Variants in RHOT1 observed in about 807,000 individuals in gnomAD.
The protein encoded by RHOT1 is ras homolog family member T1, also known as mitochondrial Rho GTPase 1.
Under a neutral mutation model 95.3 loss-of-function variants are expected in RHOT1, and 27 were observed. The observed-to-expected ratio is 0.28, with a 90% confidence interval of 0.21 to 0.39. RHOT1 has a LOEUF of 0.39. Among genes scored for constraint, RHOT1 ranks in the 10% least tolerant of loss-of-function variants. The probability of loss-of-function intolerance (pLI) is 1.00; values close to 1 mark genes in which losing one functional copy is unlikely to be tolerated. For missense variants in RHOT1, 578 were observed against 786.7 expected, an observed-to-expected ratio of 0.73 and a Z score of 3.17; for synonymous variants, 227 against 263.5, an observed-to-expected ratio of 0.86 and a Z score of 1.34.
intron 1 of RHOT1, 118 bp downstream of exon 1, chr17:32,142,847 C>A: frequency 1.1e-6 from 1 of 888,780 alleles, no homozygotes; most frequent in Non-Finnish European, 1.8e-6. Context: ...TCTCGCGCCT[C>A]ACAGCTCCGC....
intron 1 of RHOT1, chr17:32,142,961 TCTC>T: frequency 1.4e-6 from 1 of 715,228 alleles, no homozygotes; most frequent in Non-Finnish European, 2.6e-6. Context: ...CCTCCAGAGA[TCTC>T]CTTTCCCTGT....
chr17:32,173,966 A>G (rs2034791248), intron 3 of RHOT1, 54 bp downstream of exon 3: 7 of 1,210,808 alleles, frequency 5.8e-6, no homozygotes, highest in South Asian at 3.8e-5. Context: ...TAGACTTGAA[A>G]AAAGATACTT....
At chr17:32,189,860 G>A (rs1056502093) in intron 8 of RHOT1, among the ~76,000 whole-genome samples, 10 of 149,754 alleles carry the variant, frequency 6.7e-5, no homozygotes, top group African/African-American at 2.0e-4. Context: ...AGCCTCCCAA[G>A]TAGCTGGGAT....
intron 6 of RHOT1, among the ~76,000 whole-genome samples, chr17:32,180,837 C>T (rs187152288): frequency 1.3e-5 from 2 of 152,196 alleles, no homozygotes; most frequent in African/African-American, 4.8e-5. Context: ...TGCGTGCCAT[C>T]ACACCTGGCT....
intron 9 of RHOT1, among the ~76,000 whole-genome samples, chr17:32,192,927 A>G (rs2036606230): frequency 6.6e-6 from 1 of 152,136 alleles, no homozygotes; most frequent in South Asian, 2.1e-4. Context: ...AGCCTCCCAA[A>G]GTGCTGGGAT....
At chr17:32,148,467 G>A (rs967641401) in intron 1 of RHOT1, among the ~76,000 whole-genome samples, 1 of 152,154 alleles carries the variant, frequency 6.6e-6, no homozygotes, top group Admixed American at 6.5e-5. Context: ...ATTCTCTGCT[G>A]TCCTTTATTG....
Position 32,142,749 on chromosome 17 carries a change from C to G in RHOT1, c.37+20C>G. On this transcript the variant is annotated intron_variant, in intron 1 of 19. Transcript: ENST00000545287. ...GAGAACGTGAGTCCGCACCCTCTGG[C>G]CGGCCCCTGAGTCCCTGCCCTCCCT... 6.7e-7 allele frequency: 1 copy of G among 1,501,992 alleles called. No homozygotes were observed. The highest frequency in any genetic ancestry group is 8.9e-7 in the Non-Finnish European group (1 of 1,126,730). 93.0% of individuals were successfully genotyped at this position (1,501,992 alleles called of 1,614,324 possible). A position where few individuals can be genotyped will look rare whatever the true frequency, so the allele number is the denominator to read the frequency against.
intron 1 of RHOT1, chr17:32,150,315 A>T: frequency 6.8e-6 from 2 of 295,972 alleles, no homozygotes; most frequent in East Asian, 5.8e-5. Flanking sequence ...AATTCACTGT[A>T]ATCTGTCCCT....
chr17:32,200,226 T>C (rs2037211221), intron 13 of RHOT1, among the ~76,000 whole-genome samples: 1 of 152,208 alleles, frequency 6.6e-6, no homozygotes, highest in African/African-American at 2.4e-5. Context: ...TTTTCTACTA[T>C]CACTAGTATT....
intron 8 of RHOT1, among the ~76,000 whole-genome samples, chr17:32,190,177 C>T (rs1283257346): frequency 2.4e-4 from 36 of 152,082 alleles, no homozygotes; most frequent in Middle Eastern, 3.4e-3. Context: ...CATCGTTGGC[C>T]GGGCGCAATG....
chr17:32,185,566 C>G (rs1486023256), intron 8 of RHOT1, among the ~76,000 whole-genome samples: 2 of 151,998 alleles, frequency 1.3e-5, no homozygotes, highest in Non-Finnish European at 1.5e-5. Flanking sequence ...GCCACCATAC[C>G]CAGCTAATTT....
At chr17:32,183,526 C>T (rs1321227539) in intron 8 of RHOT1, among the ~76,000 whole-genome samples, 1 of 152,126 alleles carries the variant, frequency 6.6e-6, no homozygotes, top group African/African-American at 2.4e-5. Flanking sequence ...GAATTGGCAA[C>T]AATAACAACA....
intron 4 of RHOT1, among the ~76,000 whole-genome samples, chr17:32,175,655 C>T (rs1407654718): frequency 6.6e-6 from 1 of 152,122 alleles, no homozygotes; most frequent in Non-Finnish European, 1.5e-5. Context: ...GGGGTTTTGC[C>T]ATGTTAACCA....
In RHOT1 at chr17:32,174,829, A is replaced by C. The variant is rs140072627; in HGVS notation, c.179-490A>C. ...ACCCATTGAGACCAGTTCTAGCTAA[A>C]GATACATGCTAGAGAGGGAATTCTC... On this transcript the variant is annotated intron_variant, in intron 3 of 19. Coordinates refer to ENST00000545287, the MANE Select transcript of RHOT1 (RefSeq NM_001033566.3). Among the ~76,000 whole-genome samples the C allele has an allele frequency of 2.2e-3, 334 of 152,322 alleles. 1 individual carries two copies. The highest frequency in any genetic ancestry group is 7.5e-3 in the African/African-American group (312 of 41,578).
chr17:32,185,447 G>A (rs768311884), intron 8 of RHOT1, among the ~76,000 whole-genome samples: 2 of 151,658 alleles, frequency 1.3e-5, no homozygotes, highest in East Asian at 1.9e-4. Context: ...TTACTCTATC[G>A]CCCAGGCTAG....
intron 19 of RHOT1, among the ~76,000 whole-genome samples, chr17:32,211,784 C>A (rs2038150660): frequency 2.0e-5 from 3 of 151,916 alleles, no homozygotes; most frequent in Admixed American, 2.0e-4. Context: ...AGGATAATAA[C>A]CAACTTTAAG....
intron 2 of RHOT1, among the ~76,000 whole-genome samples, chr17:32,172,263 T>C (rs779133006): frequency 2.0e-5 from 3 of 152,230 alleles, no homozygotes; most frequent in Non-Finnish European, 2.9e-5. Flanking sequence ...GTTAAATAAG[T>C]AATTGCTTAA....
chr17:32,150,383 C>T (rs2032141360), intron 1 of RHOT1: 2 of 420,492 alleles, frequency 4.8e-6, no homozygotes, highest in South Asian at 9.0e-5. Flanking sequence ...GTGTAAGATG[C>T]AAGAAGACCT....
intron 8 of RHOT1, among the ~76,000 whole-genome samples, chr17:32,183,951 G>T (rs1348837129): frequency 6.6e-6 from 1 of 152,224 alleles, no homozygotes; most frequent in Non-Finnish European, 1.5e-5. Flanking sequence ...CTCCCAAAGT[G>T]CCGGGATTAC....
Sources: gnomAD v4.1 joint callset for allele counts (sites outside exome capture counted in the v4.1 genomes callset) on GRCh38, gnomAD v4.1.1 for gene constraint, MANE v1.5 for transcripts, NCBI Gene and HGNC (gene_info 2026-07-23, HGNC 2026-07-21) for gene names.